PEX11G: variants seen among roughly 807,000 people sequenced by gnomAD.
PEX11G encodes the protein peroxisomal biogenesis factor 11 gamma.
In PEX11G, 20 loss-of-function variants were observed where a neutral mutation model predicts 22.5. The ratio of observed to expected loss-of-function variants is 0.89; its 90% CI spans 0.62 to 1.29. PEX11G has a LOEUF of 1.29. PEX11G is among the 50% of genes most tolerant of loss of function. PEX11G has a pLI of 0.00. For synonymous variants in PEX11G, 141 were observed against 154.5 expected, an observed-to-expected ratio of 0.91 and a Z score of 0.65; for missense variants, 347 against 331.3, an observed-to-expected ratio of 1.05 and a Z score of -0.37.
chr19:7,486,105 G>T, intron 1 of PEX11G, 79 bp from the exon 2 acceptor site: 1 of 1,280,640 alleles, frequency 7.8e-7, no homozygotes, highest in Admixed American at 2.4e-5. Context: ...CTGGCCCCGG[G>T]CCCCGCTGGA....
intron 1 of PEX11G, among the ~76,000 whole-genome samples, chr19:7,494,198 C>A (rs917515716): frequency 6.6e-6 from 1 of 152,166 alleles, no homozygotes; most frequent in Non-Finnish European, 1.5e-5. Context: ...TGAGCCACTG[C>A]GCCCAGCCAC....
chr19:7,483,723 T>G (rs1484601596), intron 2 of PEX11G, among the ~76,000 whole-genome samples: 1 of 151,956 alleles, frequency 6.6e-6, no homozygotes, highest in African/African-American at 2.4e-5. Context: ...GGGGTTGGGA[T>G]TTCGGGGCGG....
chr19:7,490,094 G>C (rs986267732), upstream of PEX11G, among the ~76,000 whole-genome samples: 1 of 152,104 alleles, frequency 6.6e-6, no homozygotes, highest in African/African-American at 2.4e-5. Context: ...CTGGCCTCAA[G>C]TGATCCGCCC....
At position 7,476,968 on chromosome 19, in the gene PEX11G, A is replaced by G. The variant is rs905185873; in HGVS notation, c.*234T>C. 2.4e-6 allele frequency: 1 copy of G among 412,926 alleles called. No individual in the cohort carries two copies. Among genetic ancestry groups the G allele is most frequent in the Admixed American group, 4.2e-5 (1 of 23,658 alleles). The allele number at this position is 412,926 out of a possible 1,614,324, so 25.6% of individuals were successfully genotyped here. On this transcript the variant is annotated 3_prime_UTR_variant, in exon 5 of 5. Coordinates refer to ENST00000221480, the MANE Select transcript of PEX11G (RefSeq NM_080662.4). ...CATCTTGATTTGGATACAAGACGCCAGCTGGCAGGCAGGAGGTGCTGCTGA... is the reference window on the plus strand; with the variant it reads ...CATCTTGATTTGGATACAAGACGCCGGCTGGCAGGCAGGAGGTGCTGCTGA...
At chr19:7,488,211 G>C (rs765779642) in intron 1 of PEX11G, among the ~76,000 whole-genome samples, 1 of 152,162 alleles carries the variant, frequency 6.6e-6, no homozygotes. Context: ...TGGCAGAGAC[G>C]ATCTAAATGA....
At chr19:7,482,851 C>A (rs1977558721) in intron 2 of PEX11G, among the ~76,000 whole-genome samples, 1 of 152,258 alleles carries the variant, frequency 6.6e-6, no homozygotes, top group Non-Finnish European at 1.5e-5. Flanking sequence ...CAGGGAAAGC[C>A]GCTGGCCCCC....
upstream of PEX11G, chr19:7,491,264 T>A (rs1193679812): frequency 4.1e-5 from 2 of 49,256 alleles, no homozygotes; most frequent in Non-Finnish European, 7.6e-5. Context: ...CACTTCTTGA[T>A]TTTTTTTTTT....
At chr19:7,479,657 A>T (rs551043022) in intron 3 of PEX11G, among the ~76,000 whole-genome samples, 1 of 152,342 alleles carries the variant, frequency 6.6e-6, no homozygotes, top group Admixed American at 6.5e-5. Flanking sequence ...AAATGATGAA[A>T]AACCACATGC....
chr19:7,482,053 A>C lies in PEX11G; in HGVS notation c.408T>G (p.Ser136=). 1 of 1,602,840 alleles carries C rather than the reference A, an allele frequency of 6.2e-7. No homozygotes were observed. Among genetic ancestry groups the C allele is most frequent in the Non-Finnish European group, 8.5e-7 (1 of 1,175,814 alleles). ...CTTACCTGGCAACCCCCAGGAGCAG[A>C]GAGAGGGCCCACAGGGTTGTACTCA... is the stretch of plus-strand genomic sequence containing the variant. ...WTLSTTLWAL[S]LLLGVARSLW... The change falls in exon 3 of 5, where the codon TCT becomes TCG. Residue 136 remains serine (S), a synonymous_variant. Transcript: ENST00000221480.
intron 1 of PEX11G, among the ~76,000 whole-genome samples, chr19:7,487,248 A>G (rs1446035947): frequency 6.6e-6 from 1 of 152,152 alleles, no homozygotes; most frequent in East Asian, 1.9e-4. Flanking sequence ...AGCCACAGCT[A>G]AAGTGTATAT....
chr19:7,488,821 G>T, intron 1 of PEX11G, 130 bp downstream of exon 1: 1 of 936,924 alleles, frequency 1.1e-6, no homozygotes, highest in Non-Finnish European at 1.7e-6. Flanking sequence ...CACCGCATTT[G>T]AGCCTAGCTC....
At chr19:7,494,561 G>A (rs1443736049) in intron 1 of PEX11G, among the ~76,000 whole-genome samples, 4 of 152,154 alleles carry the variant, frequency 2.6e-5, no homozygotes, top group Non-Finnish European at 2.9e-5. Context: ...GCCGGGTCCC[G>A]CTCTAGGCAA....
At chr19:7,482,829 C>G (rs1043669083) in intron 2 of PEX11G, among the ~76,000 whole-genome samples, 4 of 152,350 alleles carry the variant, frequency 2.6e-5, no homozygotes, top group African/African-American at 9.6e-5. Flanking sequence ...CAGACGGCCA[C>G]GCTGAGGCTC....
In PEX11G at chr19:7,483,918, G is replaced by C. The variant is rs563203169; in HGVS notation, c.250-1707C>G. On this transcript the variant is annotated intron_variant, in intron 2 of 4. Transcript: ENST00000221480. ...CGCCTGTGGGACGCCGCAGGGACAA[G>C]GCTACTCTCTGCAGCACTGTCGCAA... 2.0e-5 allele frequency among the ~76,000 whole-genome samples: 3 copies of C among 152,304 alleles called. No individual in the cohort carries two copies. In the East Asian group the frequency reaches 5.8e-4, roughly 29 times the overall value.
At chr19:7,493,476 T>TG (rs1457694987), upstream of PEX11G, among the ~76,000 whole-genome samples, 1 of 150,728 alleles carries the variant, frequency 6.6e-6, no homozygotes, top group African/African-American at 2.4e-5. Context: ...ATTACAGGCA[T>TG]GGGCCACCAT....
chr19:7,484,664 G>A (rs1477360921), intron 2 of PEX11G, among the ~76,000 whole-genome samples: 1 of 151,596 alleles, frequency 6.6e-6, no homozygotes, highest in Admixed American at 6.6e-5. Context: ...TCCCAGCTAC[G>A]TGAGGGGCTG....
chr19:7,477,468 C>A, intron 4 of PEX11G, 32 bp from the exon 5 acceptor site: 1 of 1,383,608 alleles, frequency 7.2e-7, no homozygotes, highest in Non-Finnish European at 9.4e-7. Flanking sequence ...CTTACACTCA[C>A]GCTCACACCT....
In PEX11G at chr19:7,482,215, C is replaced by G. The variant is rs887234082; in HGVS notation, c.250-4G>C. 2.6e-6 allele frequency: 4 copies of G among 1,556,810 alleles called. No individual in the cohort carries two copies. Among genetic ancestry groups the G allele is most frequent in the Non-Finnish European group, 3.5e-6 (4 of 1,152,028 alleles). Reference sequence around the variant, plus strand: ...AGCGGACAAAGGCGTCCTCCTCCTGCAGGACCAGGAGCAGAGGGGGCCTAG... The same window carrying G: ...AGCGGACAAAGGCGTCCTCCTCCTGGAGGACCAGGAGCAGAGGGGGCCTAG... On this transcript the variant is annotated splice_region_variant and splice_polypyrimidine_tract_variant and intron_variant, in intron 2 of 4. Coordinates refer to ENST00000221480, the MANE Select transcript of PEX11G (RefSeq NM_080662.4).
At chr19:7,494,553 C>A (rs368645117) in intron 1 of PEX11G, among the ~76,000 whole-genome samples, 2 of 152,158 alleles carry the variant, frequency 1.3e-5, no homozygotes, top group Non-Finnish European at 1.5e-5. Context: ...TCCTGTGTGC[C>A]GGGTCCCGCT....
Sources: gnomAD v4.1 joint callset for allele counts (sites outside exome capture counted in the v4.1 genomes callset) on GRCh38, gnomAD v4.1.1 for gene constraint, MANE v1.5 for transcripts, NCBI Gene and HGNC (gene_info 2026-07-23, HGNC 2026-07-21) for gene names.